Variants in CUBN observed in about 807,000 individuals in gnomAD.
CUBN encodes 460 kDa receptor.
Under a neutral mutation model 405.3 loss-of-function variants are expected in CUBN, and 282 were observed. The observed-to-expected ratio is 0.70, with a 90% CI of 0.63 to 0.77. CUBN has a LOEUF of 0.77. Ranked by LOEUF, CUBN falls within the 30% of genes least tolerant of loss-of-function variation. CUBN has a pLI of 0.00. For missense variants in CUBN, 4,514 were observed against 4,475.2 expected, an observed-to-expected ratio of 1.01 and a Z score of -0.25; for synonymous variants, 1,684 against 1,617.0, an observed-to-expected ratio of 1.04 and a Z score of -0.99.
chr10:17,114,495 T>C (rs1836843564), intron 7 of CUBN, among the ~76,000 whole-genome samples: 1 of 152,198 alleles, frequency 6.6e-6, no homozygotes, highest in South Asian at 2.1e-4. Flanking sequence ...CTGCTATGTT[T>C]TTAGAGGGAA....
intron 40 of CUBN, among the ~76,000 whole-genome samples, chr10:16,931,238 T>C (rs1003297391): frequency 2.0e-5 from 3 of 150,510 alleles, no homozygotes; most frequent in South Asian, 2.1e-4. Context: ...CAGTCCGGCC[T>C]GGACAAAAGA....
intron 6 of CUBN, among the ~76,000 whole-genome samples, chr10:17,118,818 A>G (rs1836965308): frequency 2.6e-5 from 4 of 152,322 alleles, no homozygotes; most frequent in African/African-American, 7.2e-5. Flanking sequence ...AAAATGAACA[A>G]TTACTTATAT....
intron 58 of CUBN, among the ~76,000 whole-genome samples, chr10:16,871,186 C>A (rs1455205052): frequency 6.6e-6 from 1 of 151,574 alleles, no homozygotes; most frequent in Admixed American, 6.6e-5. Flanking sequence ...CACCACCATG[C>A]CTGGCTATTT....
At chr10:16,955,186 C>A (rs1007119816) in intron 31 of CUBN, among the ~76,000 whole-genome samples, 3 of 133,218 alleles carry the variant, frequency 2.3e-5, no homozygotes, top group Admixed American at 1.4e-4. Context: ...GCCTGGCCAA[C>A]ATGGCGAGAC....
intron 28 of CUBN, among the ~76,000 whole-genome samples, chr10:16,991,271 C>T (rs186188207): frequency 6.6e-6 from 1 of 152,276 alleles, no homozygotes; most frequent in East Asian, 1.9e-4. Context: ...TTTCTGTTTC[C>T]GTACTCATAA....
chr10:16,925,849 T>C, intron 41 of CUBN, 75 bp from the exon 42 acceptor site: 1 of 1,376,104 alleles, frequency 7.3e-7, no homozygotes, highest in Non-Finnish European at 1.0e-6. Context: ...TTAGTTTTCT[T>C]GGGGGGTTTT....
At chr10:16,893,541 C>T (rs1043144970) in intron 54 of CUBN, among the ~76,000 whole-genome samples, 1 of 152,094 alleles carries the variant, frequency 6.6e-6, no homozygotes, top group African/African-American at 2.4e-5. Flanking sequence ...CCTACATTGC[C>T]TTCTCTCTAA....
At position 16,913,925 on chromosome 10, in the gene CUBN, A is replaced by G; in HGVS notation, c.7419T>C (p.Pro2473=). 1 of 1,614,106 alleles carries G rather than the reference A, an allele frequency of 6.2e-7. No homozygotes were observed. Among genetic ancestry groups the G allele is most frequent in the Non-Finnish European group, 8.5e-7 (1 of 1,180,030 alleles). ...FTSPNYPNPN[P]HGRICEWRIT... The stretch of plus-strand genomic sequence containing the variant: ...TTCTCCACTCGCAGATCCGGCCATG[A>G]GGATTTGGGTTCGGGTAGTTGGGAG... Residue 2473 remains proline (P), a synonymous_variant, in exon 48 of 67, where the codon CCT becomes CCC. Transcript: ENST00000377833.
chr10:17,123,707 C>T lies in CUBN; in HGVS notation c.388-18G>A. 6.3e-7 allele frequency: 1 copy of T among 1,582,480 alleles called. No individual in the cohort carries two copies. The highest frequency in any genetic ancestry group is 8.7e-7 in the Non-Finnish European group (1 of 1,152,120). ...TCAACAGTCTGAAACAAAAACAGGA[C>T]AGTCAATGAGATGACTTGCAGTCAG... On this transcript the variant is annotated intron_variant, in intron 4 of 66. Coordinates refer to ENST00000377833, the MANE Select transcript of CUBN (RefSeq NM_001081.4).
intron 59 of CUBN, among the ~76,000 whole-genome samples, chr10:16,858,915 C>T (rs1009002556): frequency 6.6e-6 from 1 of 152,148 alleles, no homozygotes; most frequent in Admixed American, 6.5e-5. Flanking sequence ...AGCAATTGGA[C>T]ATCCAGAGGC....
At chr10:17,014,362 TG>T (rs1034238370) in intron 28 of CUBN, among the ~76,000 whole-genome samples, 3 of 152,190 alleles carry the variant, frequency 2.0e-5, no homozygotes, top group African/African-American at 7.2e-5. Context: ...AGGCTGTTTC[TG>T]CCCCTGGTTC....
chr10:16,994,656 C>T (rs1210485568), intron 28 of CUBN, among the ~76,000 whole-genome samples: 2 of 152,180 alleles, frequency 1.3e-5, no homozygotes, highest in Non-Finnish European at 1.5e-5. Flanking sequence ...TTGTCGTCAT[C>T]CGGTTACCTG....
Position 17,039,433 on chromosome 10 carries a change from A to G in CUBN, c.4017+1600T>C, listed in dbSNP as rs180687901. Among the ~76,000 whole-genome samples the G allele has an allele frequency of 1.8e-3, 279 of 152,350 alleles. 1 individual carries two copies. Among genetic ancestry groups the G allele is most frequent in the African/African-American group, 6.5e-3 (272 of 41,586 alleles). Reference sequence around the variant, plus strand: ...TAATAAGTGCCTGGGTTACAAAGTTAGTAGGAGACAGCACAGACCTTCGAG... The same window carrying G: ...TAATAAGTGCCTGGGTTACAAAGTTGGTAGGAGACAGCACAGACCTTCGAG... On this transcript the variant is annotated intron_variant, in intron 27 of 66. Coordinates refer to ENST00000377833, the MANE Select transcript of CUBN (RefSeq NM_001081.4).
At chr10:17,017,193 C>T (rs1834349556) in intron 28 of CUBN, among the ~76,000 whole-genome samples, 1 of 152,176 alleles carries the variant, frequency 6.6e-6, no homozygotes, top group Non-Finnish European at 1.5e-5. Flanking sequence ...GAACCCGCAA[C>T]AGTCCCTGGA....
rs146319349 is a variant in CUBN at position 16,925,770 on chromosome 10, G to T, written c.6276C>A (p.Cys2092Ter). The T allele has an allele frequency of 2.5e-6, 4 of 1,613,468 alleles. No individual in the cohort carries two copies. In the African/African-American group the frequency reaches 5.3e-5, roughly 22 times the overall value. ...CTCTGTCTGCATGCAAATATCCACC[G>T]CAGCCTTCCCACAAAGAAACAAAGG... ...AGFNASFHKSCGGYLHADRGI... is the reference protein window; with the variant it reads ...AGFNASFHKS Residue 2092 changes from cysteine (C) to a stop codon, truncating the protein, a stop_gained, in exon 42 of 67, where the codon TGC becomes TGA. Transcript: ENST00000377833. LOFTEE classifies it high-confidence loss of function.
In CUBN at chr10:16,934,706, A is replaced by G. The variant is rs115461896; in HGVS notation, c.5927-1422T>C. Among the ~76,000 whole-genome samples the G allele has an allele frequency of 6.0e-3, 915 of 152,320 alleles. 13 individuals carry two copies. Among genetic ancestry groups the G allele is most frequent in the African/African-American group, 0.021 (892 of 41,582 alleles). On this transcript the variant is annotated intron_variant, in intron 39 of 66. Coordinates refer to ENST00000377833, the MANE Select transcript of CUBN (RefSeq NM_001081.4). ...GAGGCCATTTGACCAGTTTTGGCCA[A>G]TGAACTATGAGCAAAAGGCATGTGT...
intron 36 of CUBN, among the ~76,000 whole-genome samples, chr10:16,943,584 C>T (rs760020634): frequency 2.6e-4 from 40 of 152,108 alleles, no homozygotes; most frequent in Non-Finnish European, 5.4e-4. Context: ...TCTCAGAAAG[C>T]AGAAAGGGAA....
intron 31 of CUBN, among the ~76,000 whole-genome samples, chr10:16,954,865 T>C (rs1208724641): frequency 6.6e-6 from 1 of 152,096 alleles, no homozygotes; most frequent in East Asian, 1.9e-4. Context: ...GCCCACAACA[T>C]GTGCTGGAAA....
At chr10:17,069,184 T>C (rs967905007) in intron 19 of CUBN, among the ~76,000 whole-genome samples, 1 of 152,220 alleles carries the variant, frequency 6.6e-6, no homozygotes, top group Non-Finnish European at 1.5e-5. Flanking sequence ...ATTTTATTTA[T>C]CCGTTTACCA....
Sources: gnomAD v4.1 joint callset for allele counts (sites outside exome capture counted in the v4.1 genomes callset) on GRCh38, gnomAD v4.1.1 for gene constraint, MANE v1.5 for transcripts, NCBI Gene and HGNC (gene_info 2026-07-23, HGNC 2026-07-21) for gene names.